Variants in ETV6 observed in about 807,000 individuals in gnomAD.
The protein encoded by ETV6 is ETS variant transcription factor 6, also known as transcription factor ETV6.
ETV6 carries 16 observed loss-of-function variants against 51.1 expected under a neutral mutation model. The ratio of observed to expected loss-of-function variants is 0.31; its 90% CI spans 0.21 to 0.48. The LOEUF (loss-of-function observed/expected upper bound fraction) is 0.48, where lower values mean the gene tolerates loss of function less well. Among genes scored for constraint, ETV6 ranks in the 20% least tolerant of loss-of-function variants. The pLI is 0.99. For missense variants in ETV6, 458 were observed against 594.8 expected, an observed-to-expected ratio of 0.77 and a Z score of 2.39; for synonymous variants, 240 against 224.1, an observed-to-expected ratio of 1.07 and a Z score of -0.64.
At chr12:11,754,969 A>G (rs1944986385) in intron 2 of ETV6, among the ~76,000 whole-genome samples, 2 of 152,276 alleles carry the variant, frequency 1.3e-5, no homozygotes, top group Admixed American at 1.3e-4. Flanking sequence ...TTCAAGGTCG[A>G]TCACAGAACC....
intron 1 of ETV6, among the ~76,000 whole-genome samples, chr12:11,737,636 A>G (rs1030720527): frequency 2.6e-5 from 4 of 152,236 alleles, no homozygotes; most frequent in African/African-American, 9.6e-5. Context: ...GACAATGCAT[A>G]TTAATTTTTT....
chr12:11,687,429 G>A (rs561512703), intron 1 of ETV6, among the ~76,000 whole-genome samples: 2 of 151,950 alleles, frequency 1.3e-5, no homozygotes, highest in East Asian at 1.9e-4. Flanking sequence ...TGATCCACCC[G>A]CGTCGGCCTC....
At chr12:11,772,657 C>T (rs1945258877) in intron 2 of ETV6, among the ~76,000 whole-genome samples, 1 of 152,180 alleles carries the variant, frequency 6.6e-6, no homozygotes, top group African/African-American at 2.4e-5. Context: ...CTAAAACAAA[C>T]TAGCAGTTCT....
intron 1 of ETV6, among the ~76,000 whole-genome samples, chr12:11,650,494 A>AC (rs1863879168): frequency 1.5e-5 from 1 of 67,424 alleles, no homozygotes; most frequent in Non-Finnish European, 3.1e-5. Flanking sequence ...AAAAAAAAAA[A>AC]ACAAAAAACA....
intron 4 of ETV6, among the ~76,000 whole-genome samples, chr12:11,860,774 G>A (rs1002751474): frequency 3.3e-5 from 5 of 152,108 alleles, no homozygotes; most frequent in Non-Finnish European, 5.9e-5. Context: ...GTGTACTTCA[G>A]TAGTGGTAAG....
chr12:11,698,983 G>A (rs1325452583), intron 1 of ETV6, among the ~76,000 whole-genome samples: 10 of 152,184 alleles, frequency 6.6e-5, no homozygotes, highest in Non-Finnish European at 1.5e-4. Context: ...TTTGAACACA[G>A]GCAGATTCCA....
rs557535721 is a variant in ETV6, at chr12:11,754,321, A to C, written c.163+1742A>C. ...TTAAATTCTAGCACAGAGAAAAAAA[A>C]AGTATCAAACACTCATCACAAACAG... On this transcript the variant is annotated intron_variant, in intron 2 of 7. Transcript: ENST00000396373. Among the ~76,000 whole-genome samples, 3 of 152,302 alleles carry C rather than the reference A, an allele frequency of 2.0e-5. No homozygotes were observed. In the South Asian group the frequency reaches 6.2e-4, roughly 32 times the overall value.
At chr12:11,734,660 A>G (rs540534615) in intron 1 of ETV6, among the ~76,000 whole-genome samples, 1 of 152,162 alleles carries the variant, frequency 6.6e-6, no homozygotes, top group African/African-American at 2.4e-5. Context: ...TCCAGGCACT[A>G]TGCAAAATTG....
At chr12:11,656,396 T>C (rs906318879) in intron 1 of ETV6, among the ~76,000 whole-genome samples, 2 of 152,188 alleles carry the variant, frequency 1.3e-5, no homozygotes, top group Non-Finnish European at 2.9e-5. Context: ...TGGTGGATTG[T>C]TACATAAGCC....
intron 1 of ETV6, among the ~76,000 whole-genome samples, chr12:11,735,086 CTTTTTTT>C (rs58797937): frequency 3.9e-5 from 3 of 76,230 alleles, no homozygotes; most frequent in African/African-American, 1.1e-4. Flanking sequence ...GCAAGGTGGC[CTTTTTTT>C]TTTTTTTTTT....
intron 1 of ETV6, among the ~76,000 whole-genome samples, chr12:11,674,789 A>ACCTCTCTGGCTGCCACTCT (rs1864386600): frequency 6.6e-6 from 1 of 150,856 alleles, no homozygotes; most frequent in African/African-American, 2.4e-5. Context: ...GCAGGGAGAG[A>ACCTCTCTGGCTGCCACTCT]CCTCTCTGGC....
At chr12:11,723,239 T>A (rs535279609) in intron 1 of ETV6, among the ~76,000 whole-genome samples, 66 of 143,552 alleles carry the variant, frequency 4.6e-4, no homozygotes, top group Admixed American at 2.5e-3. Context: ...AAGTGTGCAT[T>A]GTAGGTTAGT....
intron 2 of ETV6, among the ~76,000 whole-genome samples, chr12:11,779,397 C>A (rs1945379420): frequency 6.6e-6 from 1 of 152,160 alleles, no homozygotes; most frequent in Admixed American, 6.5e-5. Context: ...CTGTGATGTG[C>A]TTATTTCTGA....
In ETV6 at chr12:11,757,707, T is replaced by C. The variant is rs115727890; in HGVS notation, c.163+5128T>C. On this transcript the variant is annotated intron_variant, in intron 2 of 7. Coordinates refer to ENST00000396373, the MANE Select transcript of ETV6 (RefSeq NM_001987.5). ...AAACATAATGACATAAAGAGTTTCA[T>C]GGACTTGAAAGTAGAGGCACTGCTG... 4.6e-3 allele frequency among the ~76,000 whole-genome samples: 705 copies of C among 152,330 alleles called. 7 individuals are homozygous for C. Among genetic ancestry groups the C allele is most frequent in the African/African-American group, 0.016 (672 of 41,582 alleles).
At chr12:11,832,256 C>G (rs958034136) in intron 2 of ETV6, among the ~76,000 whole-genome samples, 2 of 152,210 alleles carry the variant, frequency 1.3e-5, no homozygotes, top group Admixed American at 6.5e-5. Context: ...TTCTTTCTCT[C>G]TCCCATGAAG....
intron 2 of ETV6, among the ~76,000 whole-genome samples, chr12:11,826,798 GC>G (rs1226530800): frequency 1.3e-5 from 2 of 152,110 alleles, no homozygotes; most frequent in Non-Finnish European, 2.9e-5. Flanking sequence ...CAGGGACAAA[GC>G]ATGAGACATC....
At chr12:11,884,683 G>GGAGTTCCGGGTTGGAGTCGA in intron 6 of ETV6, 96 bp downstream of exon 6, 1 of 1,464,402 alleles carries the variant, frequency 6.8e-7, no homozygotes, top group Non-Finnish European at 9.4e-7. Flanking sequence ...TGCTTTTTAC[G>GGAGTTCCGGGTTGGAGTCGA]TCTGCCCATA....
At chr12:11,716,078 G>A (rs1417519236) in intron 1 of ETV6, among the ~76,000 whole-genome samples, 7 of 151,998 alleles carry the variant, frequency 4.6e-5, no homozygotes, top group Admixed American at 4.6e-4. Context: ...AGACCATTTG[G>A]GGCCGGGCGC....
At chr12:11,828,062 C>G (rs1205994085) in intron 2 of ETV6, among the ~76,000 whole-genome samples, 1 of 152,076 alleles carries the variant, frequency 6.6e-6, no homozygotes. Context: ...ATCTATTTTC[C>G]TACTTTTTTT....
Sources: allele counts gnomAD v4.1 joint callset (sites outside exome capture counted in the v4.1 genomes callset), GRCh38; gene constraint gnomAD v4.1.1; transcripts MANE v1.5; gene names NCBI Gene and HGNC (gene_info 2026-07-23, HGNC 2026-07-21).